Variants in CRACD observed in about 807,000 individuals in gnomAD.
The protein encoded by CRACD is capping protein-inhibiting regulator of actin dynamics.
In CRACD, 56 loss-of-function variants were observed where a neutral mutation model predicts 106.8. The ratio of observed to expected loss-of-function variants is 0.52; its 90% CI spans 0.42 to 0.66. The LOEUF is 0.66. Among genes scored for constraint, CRACD ranks in the 30% least tolerant of loss-of-function variants. The pLI, the probability that CRACD is intolerant of heterozygous loss-of-function variation, is 0.00. For missense variants in CRACD, 1,730 were observed against 1,623.2 expected (o/e 1.07, Z -1.13); for synonymous variants, 754 against 670.8 (o/e 1.12, Z -1.92).
At position 56,298,265 on chromosome 4, in the gene CRACD, T is replaced by C; in HGVS notation, c.36T>C (p.Phe12=). 1 of 1,614,170 alleles carries C rather than the reference T, an allele frequency of 6.2e-7. No individual in the cohort carries two copies. The part of the protein sequence containing the change: ...GTRAFSHDSI[F]IPDGGAESEQ... ...GGGCATTTTCCCATGACAGTATTTT[T>C]ATCCCTGATGGGGGAGCAGAAAGTG... The change falls in exon 4 of 11, where the codon TTT becomes TTC. Residue 12 remains phenylalanine, a synonymous_variant. Transcript: ENST00000682029.
At chr4:56,168,547 A>C (rs954550072) in intron 1 of CRACD, among the ~76,000 whole-genome samples, 1 of 151,734 alleles carries the variant, frequency 6.6e-6, no homozygotes, top group African/African-American at 2.4e-5. Flanking sequence ...GGTCTCATAA[A>C]ATGAGTCTCA....
chr4:56,310,812 C>T (rs1356730671), intron 6 of CRACD, 78 bp downstream of exon 6: 58 of 609,112 alleles, frequency 9.5e-5, no homozygotes, highest in East Asian at 4.1e-4. Context: ...TTTTTTTTTG[C>T]GACCTGCTGC....
intron 1 of CRACD, among the ~76,000 whole-genome samples, chr4:56,127,083 T>G (rs773731427): frequency 6.6e-6 from 1 of 152,160 alleles, no homozygotes; most frequent in South Asian, 2.1e-4. Context: ...ATGAGTAGGT[T>G]AGGTGCTCTT....
rs766514724 is a variant in CRACD, at chr4:56,316,568, G to C, written c.3066G>C (p.Glu1022Asp). ...DRRPPSPPGP[E>D]ERKGQKRDEE... ...GGCCACCCTCGCCCCCAGGCCCCGA[G>C]GAAAGGAAGGGACAGAAGAGGGACG... Residue 1022 changes from glutamate to aspartate, a missense_variant, in exon 8 of 11, where the codon GAG becomes GAC. This residue lies in a region of CRACD where 1,620 missense variants were observed against 1,481.6 expected (regional missense o/e 1.09). Transcript: ENST00000682029. 6.2e-7 allele frequency: 1 copy of C among 1,613,272 alleles called. No homozygotes were observed. The highest frequency in any genetic ancestry group is 1.3e-5 in the African/African-American group (1 of 74,910).
At chr4:56,216,848 C>T (rs188623847) in intron 2 of CRACD, among the ~76,000 whole-genome samples, 84 of 150,932 alleles carry the variant, frequency 5.6e-4, no homozygotes, top group African/African-American at 1.9e-3. Flanking sequence ...GGCGCGGTGG[C>T]GGGCACCTGT....
chr4:56,111,106 T>A (rs1166588515), intron 1 of CRACD, among the ~76,000 whole-genome samples: 1 of 152,016 alleles, frequency 6.6e-6, no homozygotes, highest in Non-Finnish European at 1.5e-5. Context: ...GGCTCAGTGG[T>A]AAGCAGCATT....
intron 1 of CRACD, among the ~76,000 whole-genome samples, chr4:56,083,909 C>G (rs937140404): frequency 2.6e-5 from 4 of 152,096 alleles, no homozygotes; most frequent in African/African-American, 9.7e-5. Context: ...GCCGGGAGGT[C>G]TAGGCTGCGG....
chr4:56,314,144 G>A lies in CRACD; in HGVS notation c.642G>A (p.Pro214=). 4.3e-6 allele frequency: 7 copies of A among 1,614,126 alleles called. No homozygotes were observed. Among genetic ancestry groups the A allele is most frequent in the Non-Finnish European group, 5.9e-6 (7 of 1,180,018 alleles). ...KPTWHEEEPN[P]LDSEEERRRQ... ...CGTGGCACGAAGAGGAACCCAATCC[G>A]CTGGATTCCGAGGAAGAGAGAAGAC... The change falls in exon 8 of 11, where the codon CCG becomes CCA. Residue 214 remains proline, a synonymous_variant. Transcript: ENST00000682029. This position sits in a 1 kb window ranked among gnomAD's most constrained non-coding sequence, Gnocchi z 4.4.
At chr4:56,143,962 C>T (rs115273134) in intron 1 of CRACD, among the ~76,000 whole-genome samples, 2,692 of 151,880 alleles carry the variant, frequency 0.018, 43 homozygotes, top group Admixed American at 0.046. Flanking sequence ...AAATATATGG[C>T]GTGTGGGAAA....
intron 1 of CRACD, among the ~76,000 whole-genome samples, chr4:56,092,958 A>G (rs931583817): frequency 7.2e-5 from 11 of 152,116 alleles, no homozygotes; most frequent in Non-Finnish European, 5.9e-5. Flanking sequence ...AAAATTACAT[A>G]TGTTGCTCAT....
intron 2 of CRACD, among the ~76,000 whole-genome samples, chr4:56,207,505 A>G (rs1738182118): frequency 6.6e-6 from 1 of 152,080 alleles, no homozygotes; most frequent in Admixed American, 6.5e-5. Context: ...CAATAAAGGT[A>G]CCATTAAAGT....
chr4:56,141,009 T>A (rs948084499), intron 1 of CRACD, among the ~76,000 whole-genome samples: 1 of 151,876 alleles, frequency 6.6e-6, no homozygotes, highest in Non-Finnish European at 1.5e-5. Flanking sequence ...AAATGAAAAA[T>A]TATGGAGGCC....
chr4:56,235,664 C>G (rs1191964624), intron 2 of CRACD, among the ~76,000 whole-genome samples: 1 of 152,158 alleles, frequency 6.6e-6, no homozygotes, highest in African/African-American at 2.4e-5. Context: ...GTTAACTGCT[C>G]CCACATCCAC....
chr4:56,329,236 G>A lies in CRACD; in HGVS notation c.*1432G>A, dbSNP rs1560547593. On this transcript the variant is annotated 3_prime_UTR_variant, in exon 11 of 11. Transcript: ENST00000682029. Reference sequence around the variant, plus strand: ...GCTAACCTTATATTTCATAGTGTTGGCATATTCCCCTTTTCTTAGATTCTT... The same window carrying A: ...GCTAACCTTATATTTCATAGTGTTGACATATTCCCCTTTTCTTAGATTCTT... Among the ~76,000 whole-genome samples, 1 of 152,108 alleles carries A rather than the reference G, an allele frequency of 6.6e-6. No individual in the cohort carries two copies. Among genetic ancestry groups the A allele is most frequent in the South Asian group, 2.1e-4 (1 of 4,816 alleles).
Position 56,316,172 on chromosome 4 carries a change from T to C in CRACD, c.2670T>C (p.Arg890=), listed in dbSNP as rs999298557. 6.2e-7 allele frequency: 1 copy of C among 1,613,890 alleles called. No homozygotes were observed. The highest frequency in any genetic ancestry group is 1.3e-5 in the African/African-American group (1 of 74,966). ...DAGPPAAGSA[R]GEKEMEGVAL... is the part of the protein sequence containing the mutation. ...GGCCGCCTGCAGCGGGGAGCGCTCG[T>C]GGAGAGAAAGAGATGGAGGGTGTGG... The change falls in exon 8 of 11, where the codon CGT becomes CGC. Residue 890 remains arginine, a synonymous_variant. Transcript: ENST00000682029.
chr4:56,162,833 G>A (rs569076029), intron 1 of CRACD, among the ~76,000 whole-genome samples: 3 of 152,286 alleles, frequency 2.0e-5, no homozygotes, highest in Non-Finnish European at 4.4e-5. Context: ...TTGTTGGTTG[G>A]GGTAGAGTGC....
chr4:56,241,292 A>G (rs1560498357), intron 2 of CRACD, among the ~76,000 whole-genome samples: 1 of 152,138 alleles, frequency 6.6e-6, no homozygotes, highest in Non-Finnish European at 1.5e-5. Context: ...AAGTTTATAC[A>G]TCTTTTTATC....
chr4:56,172,945 G>A (rs1341251466), intron 1 of CRACD, among the ~76,000 whole-genome samples: 2 of 152,068 alleles, frequency 1.3e-5, no homozygotes, highest in African/African-American at 2.4e-5. Context: ...TAGTAGAGAC[G>A]AGGTTTCTCC....
At position 56,328,163 on chromosome 4, in the gene CRACD, G is replaced by T. The variant is rs11733474; in HGVS notation, c.*359G>T. 0.66 allele frequency: 249,571 copies of T among 378,074 alleles called. 82,896 individuals carry two copies. The highest frequency in any genetic ancestry group is 0.74 in the Admixed American group (21,023 of 28,444). The allele number at this position is 378,074 out of a possible 1,614,324, so 23.4% of individuals were successfully genotyped here. On this transcript the variant is annotated 3_prime_UTR_variant, in exon 11 of 11. Transcript: ENST00000682029. Reference sequence around the variant, plus strand: ...AGAACATGTACTTTTGCCAACCTTTGGTAATGGTTTTTTGATTCTATGCAC... The same window carrying T: ...AGAACATGTACTTTTGCCAACCTTTTGTAATGGTTTTTTGATTCTATGCAC...
Sources: allele counts gnomAD v4.1 joint callset (sites outside exome capture counted in the v4.1 genomes callset), GRCh38; gene constraint gnomAD v4.1.1; regional missense constraint gnomAD v4.1.1; non-coding constraint Gnocchi (gnomAD v3.1); transcripts MANE v1.5; gene names NCBI Gene and HGNC (gene_info 2026-07-23, HGNC 2026-07-21).